The following XXYLT1 variants were observed in gnomAD, a reference collection of about 807,000 sequenced individuals.
XXYLT1 encodes xyloside xylosyltransferase 1.
In XXYLT1, 20 loss-of-function variants were observed where a neutral mutation model predicts 28.9. That is an observed-to-expected ratio of 0.69 (90% CI 0.49 to 1.00). The LOEUF (loss-of-function observed/expected upper bound fraction) is 1.00. XXYLT1 is among the 50% of genes least tolerant of loss of function. The pLI is 0.00. For missense variants in XXYLT1, 542 were observed against 560.1 expected, an observed-to-expected ratio of 0.97 and a Z score of 0.33; for synonymous variants, 257 against 253.8, an observed-to-expected ratio of 1.01 and a Z score of -0.12.
At chr3:195,239,555 T>C (rs1177331534) in intron 1 of XXYLT1, among the ~76,000 whole-genome samples, 13 of 152,260 alleles carry the variant, frequency 8.5e-5, no homozygotes, top group Admixed American at 2.0e-4. Flanking sequence ...CTGGAATATA[T>C]GATTTTTAGG....
chr3:195,219,819 A>G (rs1383262962), intron 2 of XXYLT1, among the ~76,000 whole-genome samples: 1 of 152,224 alleles, frequency 6.6e-6, no homozygotes, highest in African/African-American at 2.4e-5. Context: ...GGAGGCCAGG[A>G]GAGCTGGATG....
intron 1 of XXYLT1, among the ~76,000 whole-genome samples, chr3:195,264,971 C>G (rs1253676358): frequency 6.6e-6 from 1 of 152,066 alleles, no homozygotes; most frequent in Non-Finnish European, 1.5e-5. Context: ...GCAGGAGGAT[C>G]CCCTAAGCCC....
chr3:195,121,562 G>A (rs1458815367), intron 3 of XXYLT1, among the ~76,000 whole-genome samples: 1 of 152,012 alleles, frequency 6.6e-6, no homozygotes, highest in African/African-American at 2.4e-5. Context: ...CTGCCCCTAC[G>A]CCCCACTCTA....
chr3:195,109,658 CGT>C (rs1299067806), intron 3 of XXYLT1, among the ~76,000 whole-genome samples: 1 of 100,776 alleles, frequency 9.9e-6, no homozygotes, highest in Non-Finnish European at 2.1e-5. Flanking sequence ...TGTATGTGTG[CGT>C]GTGTGTGGTG....
Position 195,077,536 on chromosome 3 carries a change from C to T in XXYLT1, c.786-7425G>A, listed in dbSNP as rs1229942731. On this transcript the variant is annotated intron_variant, in intron 3 of 3. Transcript: ENST00000310380. The surrounding 1 kb of genome is among the most constrained non-coding windows in gnomAD (Gnocchi z 4.8). ...CAGCCCTCGTCCACCCAGCCAGCCT[C>T]CTGGAGTCTGGAATGATAAAGGTGA... is the stretch of plus-strand genomic sequence containing the variant. Among the ~76,000 whole-genome samples, 2 of 152,192 alleles carry T rather than the reference C, an allele frequency of 1.3e-5. No homozygotes were observed. Among genetic ancestry groups the T allele is most frequent in the Admixed American group, 6.5e-5 (1 of 15,290 alleles).
chr3:195,150,312 G>A lies in XXYLT1; in HGVS notation c.785+6137C>T, dbSNP rs1177824605. Among the ~76,000 whole-genome samples the A allele has an allele frequency of 2.0e-5, 3 of 152,198 alleles. No homozygotes were observed. The highest frequency in any genetic ancestry group is 7.2e-5 in the African/African-American group (3 of 41,442). On this transcript the variant is annotated intron_variant, in intron 3 of 3. Transcript: ENST00000310380. This position sits in a 1 kb window ranked among gnomAD's most constrained non-coding sequence, Gnocchi z 4.7. Reference sequence around the variant, plus strand: ...ACTTGCCCAAGGTCACACAGCAACTGAGTGGTAGAGGTAGTCAGTCCACAC... The same window carrying A: ...ACTTGCCCAAGGTCACACAGCAACTAAGTGGTAGAGGTAGTCAGTCCACAC...
intron 2 of XXYLT1, among the ~76,000 whole-genome samples, chr3:195,214,442 C>G (rs1046210112): frequency 7.2e-5 from 11 of 152,094 alleles, no homozygotes; most frequent in Non-Finnish European, 1.3e-4. Flanking sequence ...TAAACCAGCC[C>G]CCACCCCCGT....
intron 3 of XXYLT1, chr3:195,134,394 T>C (rs1577064629): frequency 6.6e-6 from 1 of 152,466 alleles, no homozygotes; most frequent in East Asian, 1.9e-4. Context: ...CCATTTTTCA[T>C]GTTTTACTCT....
chr3:195,125,613 T>A (rs941276538), intron 3 of XXYLT1, among the ~76,000 whole-genome samples: 4 of 152,146 alleles, frequency 2.6e-5, no homozygotes, highest in African/African-American at 7.2e-5. Flanking sequence ...TCATCCTCCA[T>A]CAGAACTCAA....
At chr3:195,253,089 G>A (rs1725337538) in intron 1 of XXYLT1, among the ~76,000 whole-genome samples, 1 of 152,174 alleles carries the variant, frequency 6.6e-6, no homozygotes. Flanking sequence ...GGCTCTCCGT[G>A]GAGCCCAGGC....
At chr3:195,227,302 G>C (rs1246925952) in intron 1 of XXYLT1, among the ~76,000 whole-genome samples, 1 of 152,124 alleles carries the variant, frequency 6.6e-6, no homozygotes, top group Admixed American at 6.5e-5. Context: ...GGTGGCCACT[G>C]CATCTGTTCC....
rs966719347 is a variant in XXYLT1 at position 195,271,029 on chromosome 3, G to A, written c.30C>T (p.Cys10=). The change falls in exon 1 of 4, where the codon TGC becomes TGT. Residue 10 remains cysteine (C), a synonymous_variant. Transcript: ENST00000310380. MGLLRGGLP[C]ARAMARLGAV... is the part of the protein sequence containing the mutation. ...CGCCCAGGCGCGCCATGGCCCGAGC[G>A]CATGGGAGCCCGCCTCGGAGGAGGC... is the stretch of plus-strand genomic sequence containing the variant. 11 of 1,460,466 alleles carry A rather than the reference G, an allele frequency of 7.5e-6. No individual in the cohort carries two copies. Among genetic ancestry groups the A allele is most frequent in the Non-Finnish European group, 7.2e-6 (8 of 1,111,356 alleles). 90.5% of individuals were successfully genotyped at this position (1,460,466 alleles called of 1,614,324 possible).
In XXYLT1 at chr3:195,168,467, G is replaced by A. The variant is rs953761461; in HGVS notation, c.653-11886C>T. ...CTAGCCTCAAAATGCAAATACTGGA[G>A]GTTTTTTCACTAAATATCCTCTGCT... On this transcript the variant is annotated intron_variant, in intron 2 of 3. Transcript: ENST00000310380. This position sits in a 1 kb window ranked among gnomAD's most constrained non-coding sequence, Gnocchi z 4.3. Among the ~76,000 whole-genome samples, 1 of 152,180 alleles carries A rather than the reference G, an allele frequency of 6.6e-6. No individual in the cohort carries two copies. The highest frequency in any genetic ancestry group is 6.5e-5 in the Admixed American group (1 of 15,280).
chr3:195,108,513 C>T (rs953338300), intron 3 of XXYLT1, among the ~76,000 whole-genome samples: 7 of 149,836 alleles, frequency 4.7e-5, no homozygotes, highest in Non-Finnish European at 7.5e-5. Flanking sequence ...AGTCACGCAT[C>T]GCTTAACAAC....
chr3:195,210,546 T>G lies in XXYLT1; in HGVS notation c.652+16163A>C, dbSNP rs1723269942. On this transcript the variant is annotated intron_variant, in intron 2 of 3. Coordinates refer to ENST00000310380, the MANE Select transcript of XXYLT1 (RefSeq NM_152531.5). The surrounding 1 kb of genome is among the most constrained non-coding windows in gnomAD (Gnocchi z 4.8). ...TCTTGACAAATTAAAAGACAGAATC[T>G]AATGAAGGGGACCAAAACGGGAAAT... Among the ~76,000 whole-genome samples the G allele has an allele frequency of 6.6e-6, 1 of 151,958 alleles. No individual in the cohort carries two copies. The highest frequency in any genetic ancestry group is 6.6e-5 in the Admixed American group (1 of 15,262).
rs1717993815 is a variant in XXYLT1, at chr3:195,115,464, A to T, written c.785+40985T>A. On this transcript the variant is annotated intron_variant, in intron 3 of 3. Coordinates refer to ENST00000310380, the MANE Select transcript of XXYLT1 (RefSeq NM_152531.5). The surrounding 1 kb of genome is among the most constrained non-coding windows in gnomAD (Gnocchi z 4.2). Reference sequence around the variant, plus strand: ...GAAACCTGCCCCTTGAGCCCCTCCAACAATGTTGTAAGCACCTAATTCCAA... The same window carrying T: ...GAAACCTGCCCCTTGAGCCCCTCCATCAATGTTGTAAGCACCTAATTCCAA... 6.6e-6 allele frequency among the ~76,000 whole-genome samples: 1 copy of T among 152,142 alleles called. No individual in the cohort carries two copies. Among genetic ancestry groups the T allele is most frequent in the South Asian group, 2.1e-4 (1 of 4,830 alleles).
intron 1 of XXYLT1, chr3:195,259,785 GC>G (rs1560180431): frequency 1.8e-6 from 1 of 550,626 alleles, no homozygotes; most frequent in Admixed American, 6.4e-5. Flanking sequence ...ATACCGAGGG[GC>G]CACCCCCACC....
intron 2 of XXYLT1, among the ~76,000 whole-genome samples, chr3:195,194,341 T>G (rs990574239): frequency 6.6e-6 from 1 of 151,998 alleles, no homozygotes; most frequent in African/African-American, 2.4e-5. Flanking sequence ...ACCTGACTAG[T>G]CTTTAAGAAA....
chr3:195,104,198 CGTGTGTGTGTGTGT>C (rs59361512), intron 3 of XXYLT1, among the ~76,000 whole-genome samples: 4,688 of 142,026 alleles, frequency 0.033, 133 homozygotes, highest in African/African-American at 0.072. Flanking sequence ...ATGAGGGCTC[CGTGTGTGTGTGTGT>C]GTGTGTGTGT....
Sources: allele counts gnomAD v4.1 joint callset (sites outside exome capture counted in the v4.1 genomes callset), GRCh38; gene constraint gnomAD v4.1.1; non-coding constraint Gnocchi (gnomAD v3.1); transcripts MANE v1.5; gene names NCBI Gene and HGNC (gene_info 2026-07-23, HGNC 2026-07-21).